The following ARL15 variants were observed in gnomAD, a reference collection of about 807,000 sequenced individuals.
ARL15 encodes ADP-ribosylation factor-like protein 15.
Under a neutral mutation model 25.2 loss-of-function variants are expected in ARL15, and 19 were observed. That is an observed-to-expected ratio of 0.75 (90% CI 0.53 to 1.10). The LOEUF (loss-of-function observed/expected upper bound fraction) is 1.10. Among genes scored for constraint, ARL15 ranks in the 50% least tolerant of loss-of-function variants. The pLI is 0.00. For missense variants in ARL15, 220 were observed against 246.0 expected, an observed-to-expected ratio of 0.89 and a Z score of 0.71; for synonymous variants, 94 against 86.8, an observed-to-expected ratio of 1.08 and a Z score of -0.46.
intron 1 of ARL15, among the ~76,000 whole-genome samples, chr5:54,298,292 A>T (rs568127467): frequency 6.6e-6 from 1 of 152,302 alleles, no homozygotes; most frequent in African/African-American, 2.4e-5. Flanking sequence ...AGGCTACACA[A>T]GGAAAGAAAA....
At chr5:53,998,590 G>A (rs144457262) in intron 4 of ARL15, among the ~76,000 whole-genome samples, 36 of 152,328 alleles carry the variant, frequency 2.4e-4, no homozygotes, top group African/African-American at 8.4e-4. Context: ...AACATAAAGG[G>A]AAGGTTAGAG....
intron 4 of ARL15, among the ~76,000 whole-genome samples, chr5:53,902,170 A>G (rs753057384): frequency 7.9e-5 from 12 of 152,158 alleles, no homozygotes; most frequent in Admixed American, 1.3e-4. Flanking sequence ...GTTTTTGGCC[A>G]CACCTCACAT....
At chr5:54,120,880 T>A (rs1222918382) in intron 3 of ARL15, among the ~76,000 whole-genome samples, 1 of 152,206 alleles carries the variant, frequency 6.6e-6, no homozygotes, top group East Asian at 1.9e-4. Context: ...GATCTTTTAA[T>A]AATGCGGAAA....
intron 1 of ARL15, among the ~76,000 whole-genome samples, chr5:54,261,349 T>C: frequency 6.6e-6 from 1 of 152,234 alleles, no homozygotes. Flanking sequence ...GGGTAGGATT[T>C]TTGATAAGGT....
intron 4 of ARL15, among the ~76,000 whole-genome samples, chr5:53,889,006 C>T (rs1044031629): frequency 6.6e-6 from 1 of 152,072 alleles, no homozygotes; most frequent in Non-Finnish European, 1.5e-5. Context: ...ATGCAACATC[C>T]AAAATCTAGT....
rs185999174 is a variant in ARL15 at position 54,253,403 on chromosome 5, C to T, written c.48+57029G>A. Among the ~76,000 whole-genome samples the T allele has an allele frequency of 8.5e-5, 13 of 152,240 alleles. No individual in the cohort carries two copies. In the East Asian group the frequency reaches 2.5e-3, roughly 29 times the overall value. On this transcript the variant is annotated intron_variant, in intron 1 of 4. Transcript: ENST00000504924. ...TCAACATGTAACCCCATGTAATCAACACCAGCCCAGGGAGCTGGGAGTAGA... is the reference window on the plus strand; with the variant it reads ...TCAACATGTAACCCCATGTAATCAATACCAGCCCAGGGAGCTGGGAGTAGA...
chr5:54,142,749 A>G (rs1373950906), intron 3 of ARL15, among the ~76,000 whole-genome samples: 3 of 152,182 alleles, frequency 2.0e-5, no homozygotes, highest in Non-Finnish European at 4.4e-5. Context: ...CTGACAATAA[A>G]TGAGTCTACT....
intron 1 of ARL15, among the ~76,000 whole-genome samples, chr5:54,294,057 C>A (rs928953832): frequency 1.3e-5 from 2 of 152,146 alleles, no homozygotes; most frequent in African/African-American, 4.8e-5. Flanking sequence ...TCATGTGATC[C>A]GCCTGCCTCG....
chr5:54,282,326 C>T, intron 1 of ARL15: 1 of 985,418 alleles, frequency 1.0e-6, no homozygotes, highest in Non-Finnish European at 1.2e-6. Flanking sequence ...TTCAGACATT[C>T]TCTATAAGAT....
At chr5:54,076,249 T>C (rs1456632566) in intron 4 of ARL15, among the ~76,000 whole-genome samples, 2 of 148,688 alleles carry the variant, frequency 1.3e-5, no homozygotes, top group Non-Finnish European at 3.0e-5. Flanking sequence ...ACCCCATCTC[T>C]ACTAAAAACA....
intron 4 of ARL15, among the ~76,000 whole-genome samples, chr5:53,990,255 AAAC>A (rs1409495441): frequency 3.3e-5 from 5 of 152,244 alleles, no homozygotes; most frequent in Non-Finnish European, 5.9e-5. Flanking sequence ...AGTTAAAAAA[AAAC>A]ACATCATATT....
intron 4 of ARL15, among the ~76,000 whole-genome samples, chr5:53,991,595 A>G (rs1479386296): frequency 1.3e-5 from 2 of 151,210 alleles, no homozygotes; most frequent in Non-Finnish European, 2.9e-5. Context: ...CAATGAGTGT[A>G]AACACCTTGG....
chr5:53,994,938 G>T (rs533366364), intron 4 of ARL15, among the ~76,000 whole-genome samples: 2 of 152,182 alleles, frequency 1.3e-5, no homozygotes, highest in East Asian at 3.9e-4. Context: ...GTCTCCCAAA[G>T]TACTGGAATT....
intron 4 of ARL15, among the ~76,000 whole-genome samples, chr5:53,955,163 C>T: frequency 6.6e-6 from 1 of 150,932 alleles, no homozygotes; most frequent in East Asian, 1.9e-4. Context: ...AGGAAGATAG[C>T]AGCACAGCTG....
At chr5:54,009,230 C>G (rs115633436) in intron 4 of ARL15, among the ~76,000 whole-genome samples, 3 of 152,096 alleles carry the variant, frequency 2.0e-5, no homozygotes, top group African/African-American at 4.8e-5. Flanking sequence ...AAGTTGCTTT[C>G]GACTTTTTAA....
intron 4 of ARL15, among the ~76,000 whole-genome samples, chr5:54,023,398 G>C (rs1017221782): frequency 1.3e-5 from 2 of 152,052 alleles, no homozygotes; most frequent in Admixed American, 6.5e-5. Flanking sequence ...GTAAAGAGAC[G>C]GTTAAGTCGA....
At chr5:54,268,325 T>C (rs1048510078) in intron 1 of ARL15, among the ~76,000 whole-genome samples, 4 of 152,192 alleles carry the variant, frequency 2.6e-5, no homozygotes. Flanking sequence ...CATCAGCTCC[T>C]TTAAGCACTT....
Position 54,235,767 on chromosome 5 carries a change from G to A in ARL15, c.49-63839C>T, listed in dbSNP as rs1044008916. 5.3e-5 allele frequency among the ~76,000 whole-genome samples: 8 copies of A among 152,042 alleles called. No homozygotes were observed. The East Asian group carries it at 9.7e-4, about 18-fold the overall frequency. On this transcript the variant is annotated intron_variant, in intron 1 of 4. Transcript: ENST00000504924. ...GATTACAGGTGTGAGCCACCACCCC[G>A]GGCTATAGTAAAGTATTAACATTTG... is the stretch of plus-strand genomic sequence containing the variant.
intron 4 of ARL15, among the ~76,000 whole-genome samples, chr5:54,080,010 C>CAT (rs1554038851): frequency 4.8e-5 from 7 of 144,680 alleles, no homozygotes; most frequent in African/African-American, 1.5e-4. Flanking sequence ...CACACACACA[C>CAT]ACACACAGAC....
Sources: gnomAD v4.1 joint callset for allele counts (sites outside exome capture counted in the v4.1 genomes callset) on GRCh38, gnomAD v4.1.1 for gene constraint, MANE v1.5 for transcripts, NCBI Gene and HGNC (gene_info 2026-07-23, HGNC 2026-07-21) for gene names.